SNTG1: variants seen among roughly 807,000 people sequenced by gnomAD.
SNTG1 encodes syntrophin gamma 1, also known as gamma-1-syntrophin.
A neutral mutation model predicts 74.7 loss-of-function variants in SNTG1; 39 were observed. The observed-to-expected ratio is 0.52, with a 90% CI of 0.40 to 0.68. The LOEUF is 0.68. SNTG1 is among the 30% of genes least tolerant of loss of function. The pLI is 0.00. For missense variants in SNTG1, 685 were observed against 609.5 expected (o/e 1.12, Z -1.30); for synonymous variants, 254 against 217.1 (o/e 1.17, Z -1.49).
At chr8:50,183,715 C>A (rs2083287155) in intron 2 of SNTG1, among the ~76,000 whole-genome samples, 1 of 152,126 alleles carries the variant, frequency 6.6e-6, no homozygotes, top group African/African-American at 2.4e-5. Context: ...AGAAAACATA[C>A]AACTATGCTG....
rs1051178685 is a variant in SNTG1, at chr8:49,911,582, A to C, written c.-752A>C. On this transcript the variant is annotated 5_prime_UTR_variant, in exon 1 of 19. Transcript: ENST00000642720. ...AAAAAAAGAAAGAAAAAAGAAAAAAAAAAGAACCGGAGGGGAGAAGGCTAG... is the reference window on the plus strand; with the variant it reads ...AAAAAAAGAAAGAAAAAAGAAAAAACAAAGAACCGGAGGGGAGAAGGCTAG... 1 of 151,926 alleles carries C rather than the reference A, an allele frequency of 6.6e-6. No homozygotes were observed. The highest frequency in any genetic ancestry group is 2.4e-5 in the African/African-American group (1 of 41,396). 9.4% of individuals were successfully genotyped at this position (151,926 alleles called of 1,614,324 possible).
At chr8:49,946,354 T>C (rs1413418922) in intron 1 of SNTG1, among the ~76,000 whole-genome samples, 3 of 152,172 alleles carry the variant, frequency 2.0e-5, no homozygotes, top group Non-Finnish European at 4.4e-5. Context: ...ATATACATTC[T>C]CTCTAATTTA....
At chr8:50,456,580 C>T (rs2093507987) in intron 8 of SNTG1, among the ~76,000 whole-genome samples, 1 of 152,132 alleles carries the variant, frequency 6.6e-6, no homozygotes, top group African/African-American at 2.4e-5. Context: ...CTCTGAAGAT[C>T]TTTTATGAGA....
intron 12 of SNTG1, among the ~76,000 whole-genome samples, chr8:50,571,348 TG>T (rs2094548256): frequency 6.6e-6 from 1 of 152,124 alleles, no homozygotes; most frequent in African/African-American, 2.4e-5. Context: ...AGCAGGAATG[TG>T]GGGTAATTGA....
At chr8:50,574,487 A>G (rs1348001386) in intron 12 of SNTG1, among the ~76,000 whole-genome samples, 1 of 152,122 alleles carries the variant, frequency 6.6e-6, no homozygotes, top group Admixed American at 6.6e-5. Flanking sequence ...AGCAACAATA[A>G]TGGCTCATGA....
intron 17 of SNTG1, among the ~76,000 whole-genome samples, chr8:50,723,800 G>A (rs1375262974): frequency 6.6e-6 from 1 of 152,000 alleles, no homozygotes; most frequent in Non-Finnish European, 1.5e-5. Flanking sequence ...AAAAAAAAAG[G>A]AGAAAGGTAT....
chr8:50,007,553 A>G (rs1414908132), intron 1 of SNTG1, among the ~76,000 whole-genome samples: 2 of 152,150 alleles, frequency 1.3e-5, no homozygotes, highest in Non-Finnish European at 2.9e-5. Flanking sequence ...TTGATTAGAC[A>G]AATTTTAAAG....
intron 2 of SNTG1, among the ~76,000 whole-genome samples, chr8:50,179,650 A>G (rs934778835): frequency 2.0e-5 from 3 of 152,224 alleles, no homozygotes; most frequent in Non-Finnish European, 2.9e-5. Flanking sequence ...TCGAAGAAAG[A>G]CATACAAATA....
intron 2 of SNTG1, among the ~76,000 whole-genome samples, chr8:50,215,413 A>ACTATATATATT (rs1418931051): frequency 6.8e-6 from 1 of 147,302 alleles, no homozygotes; most frequent in Admixed American, 6.8e-5. Flanking sequence ...ATATATATAT[A>ACTATATATATT]CTATATATAT....
intron 8 of SNTG1, among the ~76,000 whole-genome samples, chr8:50,484,554 C>A (rs1397526794): frequency 6.6e-6 from 1 of 151,228 alleles, no homozygotes; most frequent in African/African-American, 2.4e-5. Context: ...ACTTCAGTAT[C>A]CTGCCTGTAT....
intron 1 of SNTG1, among the ~76,000 whole-genome samples, chr8:49,935,919 G>A (rs1029088680): frequency 6.6e-6 from 1 of 152,206 alleles, no homozygotes. Flanking sequence ...TTAAATGCTC[G>A]GCTGCAATAT....
At chr8:50,277,526 A>G (rs1457990969) in intron 2 of SNTG1, among the ~76,000 whole-genome samples, 1 of 152,188 alleles carries the variant, frequency 6.6e-6, no homozygotes, top group East Asian at 1.9e-4. Flanking sequence ...TATTTTGAAC[A>G]GAGTTGAAAA....
At chr8:50,526,811 A>T (rs2094223953) in intron 9 of SNTG1, among the ~76,000 whole-genome samples, 1 of 151,960 alleles carries the variant, frequency 6.6e-6, no homozygotes, top group South Asian at 2.1e-4. Flanking sequence ...TTTAGTGGAG[A>T]CTGGGTTTCA....
At chr8:50,572,275 T>TATATATATATATATATAG (rs567247331) in intron 12 of SNTG1, among the ~76,000 whole-genome samples, 2 of 148,310 alleles carry the variant, frequency 1.3e-5, no homozygotes, top group African/African-American at 5.0e-5. Context: ...TATATATATA[T>TATATATATATATATATAG]AGAGAGAGAG....
rs1802794602 is a variant in SNTG1, at chr8:50,796,019, T to G, written c.*3190T>G. The stretch of plus-strand genomic sequence containing the variant: ...TTGAAAATAAATGTCAAGTCCATAT[T>G]AGCCATGCAAAGAGAGAAATTTTCC... On this transcript the variant is annotated 3_prime_UTR_variant, in exon 19 of 19. Coordinates refer to ENST00000642720, the MANE Select transcript of SNTG1 (RefSeq NM_018967.5). 4 of 152,090 alleles carry G rather than the reference T, an allele frequency of 2.6e-5. No individual in the cohort carries two copies. Among genetic ancestry groups the G allele is most frequent in the African/African-American group, 9.7e-5 (4 of 41,444 alleles). 9.4% of individuals were successfully genotyped at this position (152,090 alleles called of 1,614,324 possible).
At chr8:50,470,547 G>A (rs184631897) in intron 8 of SNTG1, among the ~76,000 whole-genome samples, 9 of 152,098 alleles carry the variant, frequency 5.9e-5, no homozygotes, top group African/African-American at 1.4e-4. Context: ...AAGGTGGCGC[G>A]TCCAGAGTTG....
intron 2 of SNTG1, among the ~76,000 whole-genome samples, chr8:50,183,014 T>G (rs2083261600): frequency 1.3e-5 from 2 of 152,090 alleles, no homozygotes; most frequent in South Asian, 4.1e-4. Flanking sequence ...GGTGGCCAAC[T>G]TTACATTACA....
chr8:50,245,960 C>T (rs1017529051), intron 2 of SNTG1, among the ~76,000 whole-genome samples: 5 of 151,606 alleles, frequency 3.3e-5, no homozygotes, highest in African/African-American at 7.3e-5. Context: ...TTAGGGTAAC[C>T]GCTAAACAAT....
At chr8:50,358,257 G>A (rs1947254) in intron 2 of SNTG1, among the ~76,000 whole-genome samples, 34,510 of 152,066 alleles carry the variant, frequency 0.23, 4,047 homozygotes, top group South Asian at 0.35. Context: ...ATGTACTCCT[G>A]GATAGTTTTC....
Sources: gnomAD v4.1 joint callset for allele counts (sites outside exome capture counted in the v4.1 genomes callset) on GRCh38, gnomAD v4.1.1 for gene constraint, MANE v1.5 for transcripts, NCBI Gene and HGNC (gene_info 2026-07-23, HGNC 2026-07-21) for gene names.